The following CTNNA2 variants were observed in gnomAD, a reference collection of about 807,000 sequenced individuals.
The protein encoded by CTNNA2 is catenin alpha 2.
Under a neutral mutation model 101.0 loss-of-function variants are expected in CTNNA2, and 42 were observed. That is an observed-to-expected ratio of 0.42 (90% CI 0.32 to 0.54). The LOEUF is 0.54. Ranked by LOEUF, CTNNA2 falls within the 20% of genes least tolerant of loss-of-function variation. The pLI is 0.14. For missense variants in CTNNA2, 871 were observed against 1,223.1 expected, an observed-to-expected ratio of 0.71 and a Z score of 4.29; for synonymous variants, 450 against 456.4, an observed-to-expected ratio of 0.99 and a Z score of 0.18.
intron 15 of CTNNA2, among the ~76,000 whole-genome samples, chr2:80,593,465 G>T (rs1327042644): frequency 6.6e-6 from 1 of 152,000 alleles, no homozygotes; most frequent in East Asian, 1.9e-4. Context: ...GTAGCCACTA[G>T]CCATATATGA....
intron 3 of CTNNA2, among the ~76,000 whole-genome samples, chr2:79,314,377 A>G (rs558339697): frequency 2.0e-5 from 3 of 152,318 alleles, no homozygotes; most frequent in Admixed American, 1.3e-4. Context: ...GTCCAGATAT[A>G]TTTTAGGTCC....
chr2:79,889,284 T>A (rs1347814244), intron 6 of CTNNA2, among the ~76,000 whole-genome samples: 2 of 152,244 alleles, frequency 1.3e-5, no homozygotes. Context: ...TCCAGCAGAA[T>A]ATTATGGAAA....
At chr2:79,958,444 G>A (rs1439947962) in intron 7 of CTNNA2, among the ~76,000 whole-genome samples, 2 of 152,156 alleles carry the variant, frequency 1.3e-5, no homozygotes, top group African/African-American at 4.8e-5. Context: ...TAAAGGAGGA[G>A]GGAGGCAGAA....
chr2:80,074,295 A>T (rs1573000160), intron 7 of CTNNA2, among the ~76,000 whole-genome samples: 1 of 152,196 alleles, frequency 6.6e-6, no homozygotes, highest in East Asian at 1.9e-4. Context: ...TTTTGAGGTA[A>T]AGAACAGACC....
chr2:79,838,825 C>A (rs114071159), intron 3 of CTNNA2, among the ~76,000 whole-genome samples: 2,358 of 151,674 alleles, frequency 0.016, 72 homozygotes, highest in African/African-American at 0.054. Flanking sequence ...GAAAACAGTG[C>A]CACATGATAT....
intron 9 of CTNNA2, among the ~76,000 whole-genome samples, chr2:80,475,199 G>T (rs1262660040): frequency 1.3e-5 from 2 of 152,204 alleles, no homozygotes; most frequent in Non-Finnish European, 2.9e-5. Flanking sequence ...GTGTGCCAAT[G>T]ATGAAGTGGC....
intron 3 of CTNNA2, among the ~76,000 whole-genome samples, chr2:79,344,091 A>G (rs1677201630): frequency 1.3e-5 from 2 of 152,000 alleles, no homozygotes; most frequent in Admixed American, 1.3e-4. Context: ...CACTTTCAGA[A>G]CTCAGCTCCT....
chr2:79,514,989 C>G (rs1671733131), intron 1 of CTNNA2, among the ~76,000 whole-genome samples: 1 of 152,040 alleles, frequency 6.6e-6, no homozygotes, highest in Admixed American at 6.5e-5. Flanking sequence ...AAGAGAATTG[C>G]CTTCCTAAGT....
chr2:80,377,267 C>T (rs560115968), intron 7 of CTNNA2, among the ~76,000 whole-genome samples: 10 of 152,330 alleles, frequency 6.6e-5, no homozygotes, highest in Admixed American at 5.2e-4. Flanking sequence ...TTCCATTTAT[C>T]CATAGTTCAG....
In CTNNA2 at chr2:79,242,969, A is replaced by AATATATATAT. The variant is rs137898899; in HGVS notation, c.-406+44909_-406+44918dup. Among the ~76,000 whole-genome samples the AATATATATAT allele has an allele frequency of 6.4e-4, 82 of 127,352 alleles. 1 individual carries two copies. Among genetic ancestry groups the AATATATATAT allele is most frequent in the African/African-American group, 1.8e-3 (63 of 34,206 alleles). The allele number at this position is 127,352 out of a possible 152,430, so 83.5% of individuals were successfully genotyped here. ...GCAACAAAGTAAGATCCTGTCTCGAAATATATATATATATATATATATATA... is the reference window on the plus strand; with the variant it reads ...GCAACAAAGTAAGATCCTGTCTCGAAATATATATATATATATATATATATATATATATATA... On this transcript the variant is annotated intron_variant, in intron 2 of 21. Coordinates refer to the CTNNA2 transcript ENST00000466387.
intron 7 of CTNNA2, among the ~76,000 whole-genome samples, chr2:80,201,443 G>A (rs1393249810): frequency 3.7e-5 from 5 of 136,778 alleles, no homozygotes; most frequent in Non-Finnish European, 4.5e-5. Context: ...GTGCAAACTC[G>A]GCTCACTGCA....
At position 80,553,235 on chromosome 2, in the gene CTNNA2, TA is replaced by T. The variant is rs377633556; in HGVS notation, c.1541-2454del. Among the ~76,000 whole-genome samples, 235 of 97,662 alleles carry T rather than the reference TA, an allele frequency of 2.4e-3. 2 individuals are homozygous for T. Among genetic ancestry groups the T allele is most frequent in the South Asian group, 0.01 (32 of 3,084 alleles). The allele number at this position is 97,662 out of a possible 152,430, so 64.1% of individuals were successfully genotyped here. On this transcript the variant is annotated intron_variant, in intron 11 of 18. Coordinates refer to ENST00000402739, the MANE Select transcript of CTNNA2 (RefSeq NM_001282597.3). ...GGAGACTCCGTCTCAAAAAAAAAAA[TA>T]AAATAAAATAAAATAAAATTAGTCA...
chr2:80,121,201 A>T (rs1459151221), intron 7 of CTNNA2, among the ~76,000 whole-genome samples: 2 of 152,220 alleles, frequency 1.3e-5, no homozygotes, highest in African/African-American at 4.8e-5. Flanking sequence ...TCAACAGATT[A>T]GATTATAATT....
intron 2 of CTNNA2, among the ~76,000 whole-genome samples, chr2:79,226,567 T>A (rs189464838): frequency 1.9e-3 from 294 of 152,304 alleles, no homozygotes; most frequent in African/African-American, 6.9e-3. Flanking sequence ...GGACGTTGTG[T>A]TCAGGTGCCA....
intron 7 of CTNNA2, among the ~76,000 whole-genome samples, chr2:79,983,115 C>G (rs1430085200): frequency 6.7e-6 from 1 of 149,988 alleles, no homozygotes; most frequent in Non-Finnish European, 1.5e-5. Context: ...GTCCAGTCAA[C>G]AGTTTTATAT....
intron 1 of CTNNA2, among the ~76,000 whole-genome samples, chr2:79,194,670 G>A (rs1247621803): frequency 6.6e-6 from 1 of 152,192 alleles, no homozygotes; most frequent in Non-Finnish European, 1.5e-5. Context: ...TCAGTCTCAA[G>A]ATGTGGCAAA....
intron 3 of CTNNA2, among the ~76,000 whole-genome samples, chr2:79,344,962 T>C (rs1397873041): frequency 6.7e-6 from 1 of 150,022 alleles, no homozygotes; most frequent in Non-Finnish European, 1.5e-5. Flanking sequence ...TTGGGAGGTA[T>C]ACACTAAGTG....
chr2:80,065,250 G>A (rs1697901652), intron 7 of CTNNA2, among the ~76,000 whole-genome samples: 1 of 152,048 alleles, frequency 6.6e-6, no homozygotes, highest in Non-Finnish European at 1.5e-5. Context: ...GATTAAGTAA[G>A]GGGGACAGAT....
chr2:79,525,930 T>C (rs1284069572), intron 1 of CTNNA2, among the ~76,000 whole-genome samples: 2 of 152,038 alleles, frequency 1.3e-5, no homozygotes, highest in Admixed American at 1.3e-4. Context: ...TTGAATAATT[T>C]GAAATGCTTC....
Sources: allele counts gnomAD v4.1 joint callset (sites outside exome capture counted in the v4.1 genomes callset), GRCh38; gene constraint gnomAD v4.1.1; transcripts MANE v1.5; gene names NCBI Gene and HGNC (gene_info 2026-07-23, HGNC 2026-07-21).